Variants in PGM5 observed in about 807,000 individuals in gnomAD.
The protein encoded by PGM5 is phosphoglucomutase-like protein 5.
Under a neutral mutation model 59.2 loss-of-function variants are expected in PGM5, and 23 were observed. That is an observed-to-expected ratio of 0.39 (90% CI 0.28 to 0.55). The LOEUF (loss-of-function observed/expected upper bound fraction) is 0.55, where lower values mean the gene tolerates loss of function less well. Among genes scored for constraint, PGM5 ranks in the 20% least tolerant of loss-of-function variants. The probability of loss-of-function intolerance (pLI) is 0.66; values close to 1 mark genes in which losing one functional copy is unlikely to be tolerated. For synonymous variants in PGM5, 214 were observed against 286.0 expected, an observed-to-expected ratio of 0.75 and a Z score of 2.54; for missense variants, 574 against 748.3, an observed-to-expected ratio of 0.77 and a Z score of 2.72.
intron 10 of PGM5, among the ~76,000 whole-genome samples, chr9:68,513,249 G>A (rs1824779421): frequency 6.6e-6 from 1 of 152,228 alleles, no homozygotes; most frequent in Admixed American, 6.5e-5. Flanking sequence ...TCCAGCATGA[G>A]GCTTCTGAGG....
intron 7 of PGM5, among the ~76,000 whole-genome samples, chr9:68,468,493 G>A (rs911765896): frequency 3.9e-5 from 6 of 152,118 alleles, no homozygotes; most frequent in African/African-American, 1.4e-4. Flanking sequence ...TATTCCATGT[G>A]TAAGCCATGT....
At chr9:68,455,913 T>C (rs1823767070) in intron 6 of PGM5, among the ~76,000 whole-genome samples, 1 of 152,232 alleles carries the variant, frequency 6.6e-6, no homozygotes, top group Non-Finnish European at 1.5e-5. Flanking sequence ...ACAATTTCTT[T>C]TTTGTGGCTC....
chr9:68,466,264 C>CTGTG (rs34965444), intron 7 of PGM5: 3 of 883,748 alleles, frequency 3.4e-6, no homozygotes, highest in Non-Finnish European at 2.8e-6. Flanking sequence ...TTCTCCGATA[C>CTGTG]TGTGTGTTTT....
At chr9:68,441,937 G>A (rs1823535147) in intron 6 of PGM5, among the ~76,000 whole-genome samples, 2 of 151,872 alleles carry the variant, frequency 1.3e-5, no homozygotes, top group Admixed American at 6.6e-5. Context: ...GTGTTCAATT[G>A]GAAACTGAAT....
chr9:68,404,839 A>G (rs1317508652), intron 6 of PGM5, among the ~76,000 whole-genome samples: 1 of 152,216 alleles, frequency 6.6e-6, no homozygotes, highest in Non-Finnish European at 1.5e-5. Flanking sequence ...AGCAAATTAG[A>G]GAAAACTAGC....
chr9:68,487,991 C>T (rs782364973), intron 9 of PGM5, among the ~76,000 whole-genome samples: 5 of 152,062 alleles, frequency 3.3e-5, no homozygotes, highest in South Asian at 2.1e-4. Context: ...CTCATATAAG[C>T]GTTTGGGAGA....
Position 68,465,135 on chromosome 9 carries a change from T to G in PGM5, c.1086T>G (p.Ala362=), listed in dbSNP as rs1823913313. The change falls in exon 7 of 11, where the codon GCT becomes GCG. Residue 362 remains alanine, a synonymous_variant. Transcript: ENST00000396396. ...AGGTCCCTGTATATGAGACCCCAGC[T>G]GGATGGAGATTCTTCTCAAATCTGA... ...SMKVPVYETP[A]GWRFFSNLMD... 3 of 1,613,476 alleles carry G rather than the reference T, an allele frequency of 1.9e-6. No individual in the cohort carries two copies. Among genetic ancestry groups the G allele is most frequent in the Non-Finnish European group, 1.7e-6 (2 of 1,179,444 alleles).
At chr9:68,414,027 G>C (rs1181208340) in intron 6 of PGM5, among the ~76,000 whole-genome samples, 1 of 152,126 alleles carries the variant, frequency 6.6e-6, no homozygotes, top group Non-Finnish European at 1.5e-5. Context: ...TGTGTCTCTT[G>C]GAGGTGAGTT....
chr9:68,470,451 A>G (rs1441315823), intron 7 of PGM5, among the ~76,000 whole-genome samples: 1 of 152,256 alleles, frequency 6.6e-6, no homozygotes, highest in African/African-American at 2.4e-5. Flanking sequence ...TCACATATGA[A>G]TGATGTATAT....
chr9:68,379,388 T>G (rs1235219892), intron 2 of PGM5, among the ~76,000 whole-genome samples: 13 of 152,158 alleles, frequency 8.5e-5, no homozygotes, highest in African/African-American at 3.1e-4. Context: ...AGGGAAAACT[T>G]ATTATCTATC....
chr9:68,494,927 C>T (rs1011321107), intron 9 of PGM5, among the ~76,000 whole-genome samples: 5 of 152,346 alleles, frequency 3.3e-5, no homozygotes, highest in Admixed American at 2.6e-4. Context: ...AAGGCAGGCT[C>T]TCTGAGACTG....
intron 10 of PGM5, among the ~76,000 whole-genome samples, chr9:68,512,890 T>C (rs1824771192): frequency 6.6e-6 from 1 of 152,246 alleles, no homozygotes; most frequent in Admixed American, 6.5e-5. Flanking sequence ...TATATTCCAA[T>C]AAAACTATAG....
chr9:68,502,365 C>T (rs923974035), intron 10 of PGM5, among the ~76,000 whole-genome samples: 24 of 152,200 alleles, frequency 1.6e-4, no homozygotes, highest in Non-Finnish European at 3.4e-4. Context: ...AGAAACAGTA[C>T]AATTGTTTCC....
At chr9:68,512,737 T>A (rs944976354) in intron 10 of PGM5, among the ~76,000 whole-genome samples, 5 of 152,214 alleles carry the variant, frequency 3.3e-5, no homozygotes, top group African/African-American at 1.2e-4. Context: ...TTCTGAGGTA[T>A]TGGCAATTAG....
chr9:68,525,853 A>G (rs901163170), intron 10 of PGM5, among the ~76,000 whole-genome samples: 12 of 152,148 alleles, frequency 7.9e-5, no homozygotes, highest in African/African-American at 2.4e-4. Flanking sequence ...TCAGGAGATC[A>G]AGACCGTCCT....
At chr9:68,403,287 T>A (rs565480277) in intron 6 of PGM5, among the ~76,000 whole-genome samples, 2 of 152,342 alleles carry the variant, frequency 1.3e-5, no homozygotes, top group East Asian at 1.9e-4. Context: ...CATCTCCAGA[T>A]GGGAACCATC....
intron 7 of PGM5, among the ~76,000 whole-genome samples, chr9:68,469,213 G>A (rs560095860): frequency 6.6e-5 from 10 of 152,286 alleles, no homozygotes; most frequent in Middle Eastern, 3.4e-3. Context: ...CCGCCATGCC[G>A]GCCACTATTA....
chr9:68,397,095 A>G (rs1554680059), intron 6 of PGM5: 1 of 152,700 alleles, frequency 6.5e-6, no homozygotes, highest in East Asian at 1.9e-4. Context: ...ATACAGTTTC[A>G]GCCTTGAAAA....
At chr9:68,528,989 C>A (rs1377664811) in intron 10 of PGM5, among the ~76,000 whole-genome samples, 1 of 152,110 alleles carries the variant, frequency 6.6e-6, no homozygotes, top group African/African-American at 2.4e-5. Flanking sequence ...AAAGCATGCC[C>A]ACCTCCTCCA....
Sources: gnomAD v4.1 joint callset for allele counts (sites outside exome capture counted in the v4.1 genomes callset) on GRCh38, gnomAD v4.1.1 for gene constraint, MANE v1.5 for transcripts, NCBI Gene and HGNC (gene_info 2026-07-23, HGNC 2026-07-21) for gene names.